Variants in DNAJB6 observed in about 807,000 individuals in gnomAD.
DNAJB6 encodes DnaJ heat shock protein family (Hsp40) member B6, also known as dnaJ homolog subfamily B member 6.
A neutral mutation model predicts 42.7 loss-of-function variants in DNAJB6; 16 were observed. That is an observed-to-expected ratio of 0.37 (90% CI 0.25 to 0.57). The LOEUF (loss-of-function observed/expected upper bound fraction) is 0.57, where lower values mean the gene tolerates loss of function less well. Ranked by LOEUF, DNAJB6 falls within the 20% of genes least tolerant of loss-of-function variation. DNAJB6 has a pLI of 0.74. For synonymous variants in DNAJB6, 170 were observed against 163.5 expected (o/e 1.04, Z -0.30); for missense variants, 347 against 416.8 (o/e 0.83, Z 1.46).
At chr7:157,369,096 G>T (rs764687418) in intron 5 of DNAJB6, 1 of 365,340 alleles carries the variant, frequency 2.7e-6, no homozygotes, top group Non-Finnish European at 5.4e-6. Context: ...AGCATTTTCA[G>T]GGAAACTGAA....
chr7:157,411,641 G>A (rs1795978943), intron 9 of DNAJB6: 1 of 152,332 alleles, frequency 6.6e-6, no homozygotes, highest in Non-Finnish European at 1.5e-5. Context: ...GGCCTGCTAG[G>A]GGCCTTGTGA....
intron 3 of DNAJB6, 23 bp from the exon 4 acceptor site, chr7:157,366,479 C>G: frequency 6.2e-7 from 1 of 1,612,582 alleles, no homozygotes; most frequent in Non-Finnish European, 8.5e-7. Context: ...CTTGGCCTTA[C>G]CGACTTTTCT....
At chr7:157,399,934 G>A (rs532009172) in intron 8 of DNAJB6, among the ~76,000 whole-genome samples, 2 of 152,300 alleles carry the variant, frequency 1.3e-5, no homozygotes, top group East Asian at 3.9e-4. Context: ...CTCCCAAAGT[G>A]CTTGGATGAC....
At chr7:157,342,233 T>TCTCAG (rs1173761333) in intron 1 of DNAJB6, among the ~76,000 whole-genome samples, 29 of 152,016 alleles carry the variant, frequency 1.9e-4, no homozygotes, top group African/African-American at 6.5e-4. Context: ...AGTGGCGTGA[T>TCTCAG]CTCAGCTCAC....
At chr7:157,354,319 G>T (rs768849583) in intron 1 of DNAJB6, among the ~76,000 whole-genome samples, 74 of 152,006 alleles carry the variant, frequency 4.9e-4, no homozygotes, top group Non-Finnish European at 1.0e-3. Flanking sequence ...GGCTAATTTT[G>T]TATTTTTAGT....
At chr7:157,396,341 C>T (rs1410986781) in intron 8 of DNAJB6, among the ~76,000 whole-genome samples, 1 of 152,218 alleles carries the variant, frequency 6.6e-6, no homozygotes, top group African/African-American at 2.4e-5. Context: ...AGTCTCAGGG[C>T]GACGTGTTTC....
At chr7:157,345,489 T>A (rs1420778527) in intron 1 of DNAJB6, among the ~76,000 whole-genome samples, 7 of 152,072 alleles carry the variant, frequency 4.6e-5, no homozygotes, top group Non-Finnish European at 5.9e-5. Flanking sequence ...TAATTTTTTT[T>A]ATCTTTTTGT....
intron 1 of DNAJB6, among the ~76,000 whole-genome samples, chr7:157,340,909 C>T (rs981707390): frequency 6.6e-6 from 1 of 151,998 alleles, no homozygotes; most frequent in Non-Finnish European, 1.5e-5. Flanking sequence ...TCAGGTGATC[C>T]CCTGCCTCCG....
At chr7:157,347,358 G>C (rs967976799) in intron 1 of DNAJB6, among the ~76,000 whole-genome samples, 1 of 152,154 alleles carries the variant, frequency 6.6e-6, no homozygotes, top group African/African-American at 2.4e-5. Flanking sequence ...CATGAGTTCT[G>C]GAGGCAAACT....
At chr7:157,375,532 T>G (rs1563132807) in intron 5 of DNAJB6, among the ~76,000 whole-genome samples, 1 of 152,254 alleles carries the variant, frequency 6.6e-6, no homozygotes, top group Non-Finnish European at 1.5e-5. Context: ...AATGGTGGTG[T>G]TCATTTAACA....
chr7:157,407,243 G>A (rs1033321222), intron 8 of DNAJB6, among the ~76,000 whole-genome samples: 3 of 152,192 alleles, frequency 2.0e-5, no homozygotes, highest in Admixed American at 6.5e-5. Context: ...GCGAGTGAGC[G>A]GCTCACGCTT....
At position 157,340,998 on chromosome 7, in the gene DNAJB6, G is replaced by GTGTGTGCGCGCGCGCGCGCGCGCT. The variant is rs67210462; in HGVS notation, c.-27+3854_-27+3855insTGTGTGCGCGCGCGCGCGCGCGCT. 7.0e-4 allele frequency among the ~76,000 whole-genome samples: 94 copies of GTGTGTGCGCGCGCGCGCGCGCGCT among 135,026 alleles called. 2 individuals are homozygous for GTGTGTGCGCGCGCGCGCGCGCGCT. The highest frequency in any genetic ancestry group is 3.6e-3 in the Middle Eastern group (1 of 276). 88.6% of individuals were successfully genotyped at this position (135,026 alleles called of 152,430 possible). A position where few individuals can be genotyped will look rare whatever the true frequency, so the allele number is the denominator to read the frequency against. ...TGTGTGTGTGTGTGTGTGTGTGTGT[G>GTGTGTGCGCGCGCGCGCGCGCGCT]CGCGCGCGCAGGTGGAATCACCCTG... On this transcript the variant is annotated intron_variant, in intron 1 of 9. Transcript: ENST00000262177.
At position 157,390,773 on chromosome 7, in the gene DNAJB6, G is replaced by A. The variant is rs145031297; in HGVS notation, c.691+5162G>A. 3.4e-3 allele frequency among the ~76,000 whole-genome samples: 524 copies of A among 152,318 alleles called. 3 individuals are homozygous for A. The highest frequency in any genetic ancestry group is 0.012 in the African/African-American group (483 of 41,558). ...AGGACAGGGTCTAATTGATAATGGC[G>A]TGTGGGGGAGATGTGGCTCCTGAGG... On this transcript the variant is annotated intron_variant, in intron 8 of 9. Coordinates refer to ENST00000262177, the MANE Select transcript of DNAJB6 (RefSeq NM_058246.4).
At chr7:157,393,162 G>A (rs756156559) in intron 8 of DNAJB6, among the ~76,000 whole-genome samples, 9 of 152,026 alleles carry the variant, frequency 5.9e-5, no homozygotes, top group Non-Finnish European at 1.2e-4. Context: ...TTTTAGTAGA[G>A]ACGGAGTTTC....
At position 157,339,165 on chromosome 7, in the gene DNAJB6, C is replaced by T. The variant is rs142481480; in HGVS notation, c.-27+2021C>T. Reference sequence around the variant, plus strand: ...ATTAGCTTTCATTTTTAAGCAAGCCCGTAATTCCCTTCTATTAACTCTGTT... The same window carrying T: ...ATTAGCTTTCATTTTTAAGCAAGCCTGTAATTCCCTTCTATTAACTCTGTT... On this transcript the variant is annotated intron_variant, in intron 1 of 9. Coordinates refer to ENST00000262177, the MANE Select transcript of DNAJB6 (RefSeq NM_058246.4). Among the ~76,000 whole-genome samples the T allele has an allele frequency of 4.2e-3, 644 of 151,946 alleles. 11 individuals are homozygous for T. The highest frequency in any genetic ancestry group is 0.033 in the Admixed American group (505 of 15,230).
At chr7:157,392,336 T>TA (rs1236040789) in intron 8 of DNAJB6, among the ~76,000 whole-genome samples, 2 of 151,920 alleles carry the variant, frequency 1.3e-5, no homozygotes, top group East Asian at 3.9e-4. Context: ...TGATTAGTCT[T>TA]TAGCCTGCTG....
At chr7:157,339,391 G>A (rs1198410529) in intron 1 of DNAJB6, among the ~76,000 whole-genome samples, 2 of 142,164 alleles carry the variant, frequency 1.4e-5, no homozygotes, top group African/African-American at 5.1e-5. Context: ...TCCACCTCCC[G>A]GGGTCACACC....
intron 1 of DNAJB6, among the ~76,000 whole-genome samples, chr7:157,348,483 T>C (rs1798800727): frequency 6.7e-6 from 1 of 150,370 alleles, no homozygotes; most frequent in African/African-American, 2.5e-5. Context: ...ACCCTGTTGG[T>C]GAAGTTTTCT....
intron 5 of DNAJB6, chr7:157,380,968 A>T (rs184324587): frequency 1.3e-5 from 2 of 150,536 alleles, no homozygotes; most frequent in African/African-American, 2.4e-5. Flanking sequence ...GTCAGAGTCA[A>T]CCTCAGGTGC....
Sources: allele counts gnomAD v4.1 joint callset (sites outside exome capture counted in the v4.1 genomes callset), GRCh38; gene constraint gnomAD v4.1.1; transcripts MANE v1.5; gene names NCBI Gene and HGNC (gene_info 2026-07-23, HGNC 2026-07-21).